MAGEB1: variants seen among roughly 807,000 people sequenced by gnomAD.
MAGEB1 encodes the protein MAGE family member B1, also known as melanoma-associated antigen B1.
For missense variants in MAGEB1, 290 were observed against 286.7 expected (o/e 1.01, Z -0.08); for synonymous variants, 99 against 105.7 (o/e 0.94, Z 0.39).
chrX:30,251,218 G>A lies in MAGEB1; in HGVS notation c.725G>A (p.Arg242His), dbSNP rs761222966. 3.2e-5 allele frequency: 39 copies of A among 1,210,540 alleles called. No individual in the cohort carries two copies. Among genetic ancestry groups the A allele is most frequent in the Admixed American group, 2.4e-4 (11 of 45,906 alleles). Residue 242 changes from arginine to histidine, a missense_variant, in exon 2 of 2, where the codon CGT (arginine) becomes CAT (histidine). Transcript: ENST00000397548. ...GAGCACTTAATCTATGGGGAACCCCGTAAGTTCATCACCCAAGATCTGGTG... is the reference window on the plus strand; with the variant it reads ...GAGCACTTAATCTATGGGGAACCCCATAAGTTCATCACCCAAGATCTGGTG... Reference protein sequence around the residue: ...GEEHLIYGEPRKFITQDLVQE... With the variant: ...GEEHLIYGEPHKFITQDLVQE...
Position 30,250,733 on chromosome X carries a change from C to G in MAGEB1, c.240C>G (p.Asp80Glu). 8.3e-7 allele frequency: 1 copy of G among 1,211,203 alleles called. No individual in the cohort carries two copies. Among genetic ancestry groups the G allele is most frequent in the Non-Finnish European group, 1.1e-6 (1 of 895,177 alleles). The part of the protein sequence containing the change: ...AAAAVSCTES[D>E]EGAKCQGEEN... ...CAGCTGTGTCATGTACCGAATCTGA[C>G]GAAGGTGCCAAATGCCAAGGTGAGG... Residue 80 changes from aspartate (D) to glutamate (E), a missense_variant, in exon 2 of 2, where the codon GAC (aspartate) becomes GAG (glutamate). Coordinates refer to ENST00000397548, the MANE Select transcript of MAGEB1 (RefSeq NM_177404.3).
At chrX:30,249,701 C>T (rs1026004623) in intron 1 of MAGEB1, among the ~76,000 whole-genome samples, 1 of 111,557 alleles carries the variant, frequency 9.0e-6, no homozygotes, top group Admixed American at 9.5e-5. Context: ...CAGATGTAGG[C>T]CTTACTATGA....
At chrX:30,247,084 A>G (rs1176268652), upstream of MAGEB1, 3 of 110,453 alleles carry the variant, frequency 2.7e-5, no homozygotes, top group African/African-American at 9.9e-5. Flanking sequence ...TAGAACAGTT[A>G]CGTCCAGAAG....
At chrX:30,247,734 G>A (rs1925370171) in intron 1 of MAGEB1, among the ~76,000 whole-genome samples, 1 of 111,128 alleles carries the variant, frequency 9.0e-6, no homozygotes, top group Non-Finnish European at 1.9e-5. Flanking sequence ...CACGAGGTCA[G>A]GATATCAAGA....
At position 30,251,403 on chromosome X, in the gene MAGEB1, T is replaced by C. The variant is rs1323978713; in HGVS notation, c.910T>C (p.Tyr304His). 2 of 1,211,436 alleles carry C rather than the reference T, an allele frequency of 1.7e-6. No homozygotes were observed. The highest frequency in any genetic ancestry group is 2.2e-6 in the Non-Finnish European group (2 of 895,407). ...CACTCCCCGTGACTTCCCATCCCAT[T>C]ATGAAGAGGCTTTGAGAGATGAGGA... ...GATPRDFPSHYEEALRDEEER... is the reference protein window; with the variant it reads ...GATPRDFPSHHEEALRDEEER... The change falls in exon 2 of 2, where the codon TAT becomes CAT. Residue 304 changes from tyrosine (Y) to histidine (H), a missense_variant. Physicochemically the swap from Tyr to His is moderately conservative, Grantham distance 83. Transcript: ENST00000397548.
At chrX:30,246,258 G>A (rs1052343030), upstream of MAGEB1, 1 of 112,311 alleles carries the variant, frequency 8.9e-6, no homozygotes, top group African/African-American at 3.2e-5. Flanking sequence ...GGGGTTCTAT[G>A]GAGTCCTTTC....
chrX:30,248,571 A>G (rs772894187), intron 1 of MAGEB1, among the ~76,000 whole-genome samples: 16 of 111,738 alleles, frequency 1.4e-4, no homozygotes, highest in African/African-American at 4.6e-4. Context: ...AGATGGTGAC[A>G]CTGAGGGAGT....
intron 1 of MAGEB1, among the ~76,000 whole-genome samples, chrX:30,248,132 A>T (rs757213366): frequency 1.4e-4 from 15 of 109,773 alleles, no homozygotes; most frequent in Non-Finnish European, 2.1e-4. Context: ...TGCTGAGTGG[A>T]GGTGGAGACA....
In MAGEB1 at chrX:30,251,363, C is replaced by T. The variant is rs1354883548; in HGVS notation, c.870C>T (p.Ala290=). The T allele has an allele frequency of 8.3e-7, 1 of 1,211,655 alleles. No homozygotes were observed. The highest frequency in any genetic ancestry group is 1.1e-6 in the Non-Finnish European group (1 of 895,452). The part of the protein sequence containing the change: ...TTKMKVLEFL[A]KMNGATPRDF... The stretch of plus-strand genomic sequence containing the variant: ...AGATGAAAGTCCTCGAGTTTTTGGC[C>T]AAGATGAATGGTGCCACTCCCCGTG... The change falls in exon 2 of 2, where the codon GCC becomes GCT. Residue 290 remains alanine, a synonymous_variant. Coordinates refer to ENST00000397548, the MANE Select transcript of MAGEB1 (RefSeq NM_177404.3).
Position 30,251,636 on chromosome X carries a change from C to A in MAGEB1, c.*99C>A. On this transcript the variant is annotated 3_prime_UTR_variant, in exon 2 of 2. Coordinates refer to ENST00000397548, the MANE Select transcript of MAGEB1 (RefSeq NM_177404.3). ...TGGCTAGAGAGATCATCATATATAT[C>A]TCCTTTGTGTTCCTGTTAAACATTA... The A allele has an allele frequency of 1.5e-6, 1 of 674,460 alleles. No individual in the cohort carries two copies. The highest frequency in any genetic ancestry group is 2.3e-6 in the Non-Finnish European group (1 of 444,251). 55.6% of individuals were successfully genotyped at this position (674,460 alleles called of 1,213,427 possible). A position where few individuals can be genotyped will look rare whatever the true frequency, so the allele number is the denominator to read the frequency against.
chrX:30,247,946 G>GAAAAAAAAAA (rs57368527), intron 1 of MAGEB1, among the ~76,000 whole-genome samples: 19 of 45,939 alleles, frequency 4.1e-4, no homozygotes, highest in African/African-American at 1.3e-3. Context: ...TCAGTCTCAA[G>GAAAAAAAAAA]AAAAAAAAAA....
Position 30,251,377 on chromosome X carries a change from C to T in MAGEB1, c.884C>T (p.Ala295Val). Residue 295 changes from alanine to valine, a missense_variant, in exon 2 of 2, where the codon GCC (alanine) becomes GTC (valine). Transcript: ENST00000397548. ...GAGTTTTTGGCCAAGATGAATGGTG[C>T]CACTCCCCGTGACTTCCCATCCCAT... Reference protein sequence around the residue: ...VLEFLAKMNGATPRDFPSHYE... With the variant: ...VLEFLAKMNGVTPRDFPSHYE... 1.7e-6 allele frequency: 2 copies of T among 1,211,446 alleles called. No homozygotes were observed. Among genetic ancestry groups the T allele is most frequent in the East Asian group, 3.0e-5 (1 of 33,825 alleles).
At position 30,251,726 on chromosome X, in the gene MAGEB1, C is replaced by T. The variant is rs892064855; in HGVS notation, c.*189C>T. On this transcript the variant is annotated 3_prime_UTR_variant, in exon 2 of 2. Transcript: ENST00000397548. ...TAGAGTTGGGATCTATGTCTATGAG[C>T]GACATGGATCACACATTTATTGGTG... The T allele has an allele frequency of 1.5e-5, 6 of 399,364 alleles. No homozygotes were observed. The highest frequency in any genetic ancestry group is 1.3e-3 in the Middle Eastern group (2 of 1,493). The allele number at this position is 399,364 out of a possible 1,213,427, so 32.9% of individuals were successfully genotyped here. A position where few individuals can be genotyped will look rare whatever the true frequency, so the allele number is the denominator to read the frequency against.
chrX:30,246,952 G>C (rs990837309), upstream of MAGEB1, among the ~76,000 whole-genome samples: 18 of 112,720 alleles, frequency 1.6e-4, no homozygotes, highest in Non-Finnish European at 2.3e-4. Context: ...TTCCACCTTG[G>C]GGGCTGAGAG....
rs756339804 is a variant in MAGEB1, at chrX:30,251,255, T to C, written c.762T>C (p.Tyr254=). ...CCCAAGATCTGGTGCAGGAAAAATA[T>C]CTGAAGTACGAGCAGGTGCCCAACA... ...FITQDLVQEK[Y]LKYEQVPNSD... Residue 254 remains tyrosine (Y), a synonymous_variant, in exon 2 of 2, where the codon TAT becomes TAC. Transcript: ENST00000397548. 16 of 1,212,082 alleles carry C rather than the reference T, an allele frequency of 1.3e-5. No individual in the cohort carries two copies. Among genetic ancestry groups the C allele is most frequent in the Admixed American group, 1.3e-4 (6 of 46,094 alleles).
At chrX:30,249,101 A>G (rs1925420750) in intron 1 of MAGEB1, among the ~76,000 whole-genome samples, 1 of 111,291 alleles carries the variant, frequency 9.0e-6, no homozygotes, top group South Asian at 3.9e-4. Context: ...AGCCCTGGGT[A>G]CTCAGAGAGG....
Position 30,251,709 on chromosome X carries a change from G to A in MAGEB1, c.*172G>A. On this transcript the variant is annotated 3_prime_UTR_variant, in exon 2 of 2. Coordinates refer to ENST00000397548, the MANE Select transcript of MAGEB1 (RefSeq NM_177404.3). ...TTAATAGAATGTTTATTTAGAGTTG[G>A]GATCTATGTCTATGAGCGACATGGA... The A allele has an allele frequency of 2.2e-6, 1 of 445,976 alleles. No homozygotes were observed. The highest frequency in any genetic ancestry group is 3.8e-6 in the Non-Finnish European group (1 of 262,120). 36.8% of individuals were successfully genotyped at this position (445,976 alleles called of 1,213,427 possible). A position where few individuals can be genotyped will look rare whatever the true frequency, so the allele number is the denominator to read the frequency against.
In MAGEB1 at chrX:30,251,070, T is replaced by G. The variant is rs199968674; in HGVS notation, c.577T>G (p.Trp193Gly). Residue 193 changes from tryptophan (W) to glycine (G), a missense_variant, in exon 2 of 2, where the codon TGG becomes GGG. Coordinates refer to ENST00000397548, the MANE Select transcript of MAGEB1 (RefSeq NM_177404.3). The stretch of plus-strand genomic sequence containing the variant: ...CAATGATGGAAACCTGAGCAATGAT[T>G]GGGACTTTCCCAGGAATGGGCTTCT... ...LTNDGNLSNDWDFPRNGLLMP... is the reference protein window; with the variant it reads ...LTNDGNLSNDGDFPRNGLLMP... 141 of 1,209,158 alleles carry G rather than the reference T, an allele frequency of 1.2e-4. No homozygotes were observed. Among genetic ancestry groups the G allele is most frequent in the East Asian group, 5.6e-4 (19 of 33,745 alleles).
At chrX:30,245,148 G>A (rs1925271126), upstream of MAGEB1, among the ~76,000 whole-genome samples, 1 of 111,869 alleles carries the variant, frequency 8.9e-6, no homozygotes, top group African/African-American at 3.3e-5. Context: ...TTTCAGCTGA[G>A]AAAGACAACT....
Sources: allele counts gnomAD v4.1 joint callset (sites outside exome capture counted in the v4.1 genomes callset), GRCh38; gene constraint gnomAD v4.1.1; transcripts MANE v1.5; gene names NCBI Gene and HGNC (gene_info 2026-07-23, HGNC 2026-07-21).